The following FBXO21 variants were observed in gnomAD, a reference collection of about 807,000 sequenced individuals.
The protein encoded by FBXO21 is F-box protein 21.
Under a neutral mutation model 76.6 loss-of-function variants are expected in FBXO21, and 32 were observed. The observed-to-expected ratio is 0.42, with a 90% confidence interval of 0.32 to 0.56. The LOEUF is 0.56. FBXO21 is among the 20% of genes least tolerant of loss of function. The pLI is 0.16. For missense variants in FBXO21, 586 were observed against 797.3 expected (o/e 0.73, Z 3.19); for synonymous variants, 328 against 311.5 (o/e 1.05, Z -0.56).
chr12:117,178,957 G>A (rs1956202948), intron 3 of FBXO21, among the ~76,000 whole-genome samples: 1 of 152,066 alleles, frequency 6.6e-6, no homozygotes, highest in South Asian at 2.1e-4. Context: ...AATAGCATCT[G>A]GCACATAGTA....
intron 3 of FBXO21, among the ~76,000 whole-genome samples, chr12:117,180,397 A>T (rs1324273557): frequency 6.6e-6 from 1 of 152,214 alleles, no homozygotes; most frequent in African/African-American, 2.4e-5. Flanking sequence ...CATGTATTTA[A>T]ATATAAAATA....
Position 117,190,389 on chromosome 12 carries a change from T to TCCGGCGCGGCCTCCTCCGCCAGCG in FBXO21, c.44_67dup (p.Ala15_Pro22dup), listed in dbSNP as rs1956335444. The TCCGGCGCGGCCTCCTCCGCCAGCG allele has an allele frequency of 2.7e-6, 4 of 1,502,586 alleles. No homozygotes were observed. In the East Asian group the frequency reaches 1.1e-4, roughly 43 times the overall value. 93.1% of individuals were successfully genotyped at this position (1,502,586 alleles called of 1,614,324 possible). A position where few individuals can be genotyped will look rare whatever the true frequency, so the allele number is the denominator to read the frequency against. On this transcript the variant is annotated inframe_insertion, in exon 1 of 12. Transcript: ENST00000622495. ...GACGAGGCAGCTGAGGCCCGCTACCTCCGGCGCGGCCTCCTCCGCCAGCGC... is the reference window on the plus strand; with the variant it reads ...GACGAGGCAGCTGAGGCCCGCTACCTCCGGCGCGGCCTCCTCCGCCAGCGCCGGCGCGGCCTCCTCCGCCAGCGC...
intron 2 of FBXO21, among the ~76,000 whole-genome samples, chr12:117,188,403 G>C (rs1354496754): frequency 2.6e-5 from 4 of 152,104 alleles, no homozygotes; most frequent in African/African-American, 9.7e-5. Flanking sequence ...AAATTATCCA[G>C]GTATGGTGGC....
In FBXO21 at chr12:117,174,793, A is replaced by G. The variant is rs752084925; in HGVS notation, c.597T>C (p.Ala199=). 1.9e-6 allele frequency: 3 copies of G among 1,609,734 alleles called. No homozygotes were observed. Among genetic ancestry groups the G allele is most frequent in the Non-Finnish European group, 2.5e-6 (3 of 1,178,252 alleles). Residue 199 remains alanine, a synonymous_variant, in exon 5 of 12, where the codon GCT becomes GCC. Transcript: ENST00000622495. Reference sequence around the variant, plus strand: ...GATTGCAGTACTGGTCAATATATACAGCACCTGAAAATGAACAAGAATTAC... The same window carrying G: ...GATTGCAGTACTGGTCAATATATACGGCACCTGAAAATGAACAAGAATTAC... ...PDDYESYLEG[A]VYIDQYCNPL... is the part of the protein sequence containing the mutation.
At chr12:117,177,762 A>G (rs1415247634) in intron 3 of FBXO21, 121 bp from the exon 4 acceptor site, 1 of 694,826 alleles carries the variant, frequency 1.4e-6, no homozygotes, top group Non-Finnish European at 2.3e-6. Flanking sequence ...TCATTCTCTT[A>G]TAATAATTAT....
At chr12:117,163,967 CAAAT>C (rs1160407413) in intron 9 of FBXO21, among the ~76,000 whole-genome samples, 1 of 151,452 alleles carries the variant, frequency 6.6e-6, no homozygotes, top group South Asian at 2.1e-4. Flanking sequence ...AAAAAAACCC[CAAAT>C]AAATAAATAA....
chr12:117,181,604 T>TCTAC (rs1555242812), intron 3 of FBXO21, among the ~76,000 whole-genome samples: 1 of 87,192 alleles, frequency 1.1e-5, no homozygotes, highest in Non-Finnish European at 2.1e-5. Context: ...AGACAGTCTA[T>TCTAC]CTATCTATCT....
At chr12:117,161,624 G>A (rs1384240824) in intron 9 of FBXO21, among the ~76,000 whole-genome samples, 9 of 152,174 alleles carry the variant, frequency 5.9e-5, no homozygotes, top group African/African-American at 9.7e-5. Context: ...ACTTTCACCC[G>A]TCTGGGAGAC....
chr12:117,150,437 G>A (rs981828077), intron 11 of FBXO21, among the ~76,000 whole-genome samples: 4 of 152,218 alleles, frequency 2.6e-5, no homozygotes, highest in Admixed American at 2.0e-4. Context: ...GTGCCAGTGT[G>A]TCGCTGCAGT....
At chr12:117,184,231 T>C (rs1383643234) in intron 3 of FBXO21, among the ~76,000 whole-genome samples, 1 of 151,872 alleles carries the variant, frequency 6.6e-6, no homozygotes, top group Non-Finnish European at 1.5e-5. Context: ...CAAAAATACT[T>C]TGTTTGAATC....
chr12:117,176,676 G>A (rs1566005600), intron 4 of FBXO21, among the ~76,000 whole-genome samples: 1 of 152,146 alleles, frequency 6.6e-6, no homozygotes, highest in Non-Finnish European at 1.5e-5. Flanking sequence ...TAGACTGCAT[G>A]AGACTAGTTA....
chr12:117,146,335 T>C (rs1955770501), intron 11 of FBXO21, 58 bp from the exon 12 acceptor site: 1 of 1,445,008 alleles, frequency 6.9e-7, no homozygotes, highest in African/African-American at 1.4e-5. Context: ...TGCCACACCT[T>C]TCATCCAGAG....
Position 117,166,676 on chromosome 12 carries a change from C to T in FBXO21, c.1193+222G>A, listed in dbSNP as rs568632643. On this transcript the variant is annotated intron_variant, in intron 8 of 11. Transcript: ENST00000622495. ...TGATAGGAAGGTATAAATTAAAAGACGGCAAAGCATTTGGATATGAGAAGA... is the reference window on the plus strand; with the variant it reads ...TGATAGGAAGGTATAAATTAAAAGATGGCAAAGCATTTGGATATGAGAAGA... 3.9e-5 allele frequency among the ~76,000 whole-genome samples: 6 copies of T among 152,268 alleles called. No individual in the cohort carries two copies. The East Asian group carries it at 5.8e-4, about 15-fold the overall frequency.
At position 117,190,458 on chromosome 12, in the gene FBXO21, T is replaced by C. The variant is rs1012749285; in HGVS notation, c.-2A>G. ...GCTGTCGACTGCTGCCGCCGCCATC[T>C]TGTCCGCGTACCTGGGGCCGCCGCG... On this transcript the variant is annotated 5_prime_UTR_variant, in exon 1 of 12. Transcript: ENST00000622495. 5 of 1,311,568 alleles carry C rather than the reference T, an allele frequency of 3.8e-6. No homozygotes were observed. The highest frequency in any genetic ancestry group is 1.4e-5 in the South Asian group (1 of 70,702). The allele number at this position is 1,311,568 out of a possible 1,614,324, so 81.2% of individuals were successfully genotyped here.
chr12:117,190,146 C>T, intron 1 of FBXO21, 72 bp downstream of exon 1: 1 of 823,060 alleles, frequency 1.2e-6, no homozygotes. Context: ...GGGGAGCTAG[C>T]GGGGCGGCTG....
intron 11 of FBXO21, among the ~76,000 whole-genome samples, chr12:117,152,762 TATACTC>T (rs1565995581): frequency 6.6e-6 from 1 of 152,216 alleles, no homozygotes; most frequent in African/African-American, 2.4e-5. Context: ...GGAATCTCCT[TATACTC>T]AGACATAATT....
chr12:117,173,392 C>A (rs1453278430), intron 6 of FBXO21, among the ~76,000 whole-genome samples: 1 of 152,266 alleles, frequency 6.6e-6, no homozygotes, highest in South Asian at 2.1e-4. Flanking sequence ...CTGATTTAGG[C>A]CCTCCTTCTT....
intron 4 of FBXO21, among the ~76,000 whole-genome samples, chr12:117,177,129 A>C (rs1240782390): frequency 6.6e-6 from 1 of 152,182 alleles, no homozygotes; most frequent in African/African-American, 2.4e-5. Context: ...GTCCTCAATA[A>C]ACTCCAACCT....
intron 4 of FBXO21, among the ~76,000 whole-genome samples, chr12:117,175,609 T>C (rs1220094102): frequency 3.3e-5 from 5 of 152,224 alleles, no homozygotes; most frequent in East Asian, 1.9e-4. Flanking sequence ...AGTCCCAGTG[T>C]TGCCACCAGC....
Sources: gnomAD v4.1 joint callset for allele counts (sites outside exome capture counted in the v4.1 genomes callset) on GRCh38, gnomAD v4.1.1 for gene constraint, MANE v1.5 for transcripts, NCBI Gene and HGNC (gene_info 2026-07-23, HGNC 2026-07-21) for gene names.